PHF20: variants seen among roughly 807,000 people sequenced by gnomAD.
The protein encoded by PHF20 is glioma-expressed antigen 2.
In PHF20, 23 loss-of-function variants were observed where a neutral mutation model predicts 113.5. That is an observed-to-expected ratio of 0.20 (90% CI 0.15 to 0.29). The LOEUF (loss-of-function observed/expected upper bound fraction) is 0.29, where lower values mean the gene tolerates loss of function less well. Ranked by LOEUF, PHF20 falls within the 10% of genes least tolerant of loss-of-function variation. The probability of loss-of-function intolerance (pLI) is 1.00; values close to 1 mark genes in which losing one functional copy is unlikely to be tolerated. For missense variants in PHF20, 943 were observed against 1,219.6 expected (o/e 0.77, Z 3.38); for synonymous variants, 434 against 457.3 (o/e 0.95, Z 0.65).
At chr20:35,878,407 G>T in intron 9 of PHF20, 1 of 446,196 alleles carries the variant, frequency 2.2e-6, no homozygotes, top group Non-Finnish European at 3.9e-6. Context: ...CTTCAGGTTG[G>T]CGTGTGCGAG....
intron 15 of PHF20, among the ~76,000 whole-genome samples, chr20:35,931,951 CA>C (rs1046023916): frequency 2.1e-4 from 29 of 137,440 alleles, no homozygotes; most frequent in East Asian, 2.1e-4. Context: ...AACTCCGTCT[CA>C]AAAAAAAAAA....
At chr20:35,870,924 C>G in intron 7 of PHF20, 31 bp from the exon 8 acceptor site, 1 of 1,531,118 alleles carries the variant, frequency 6.5e-7, no homozygotes, top group Non-Finnish European at 8.8e-7. Flanking sequence ...TTGTTGGTCT[C>G]TTGACTACAA....
chr20:35,775,754 CA>C (rs11167276), intron 1 of PHF20, among the ~76,000 whole-genome samples: 74 of 85,486 alleles, frequency 8.7e-4, no homozygotes, highest in African/African-American at 1.6e-3. Flanking sequence ...ACTCTGTCTC[CA>C]AAAAAAAAAA....
intron 5 of PHF20, 82 bp downstream of exon 5, chr20:35,858,463 T>C (rs1170033818): frequency 2.7e-6 from 2 of 727,982 alleles, no homozygotes; most frequent in East Asian, 5.3e-5. Context: ...ACATTACATT[T>C]GTTTATGATA....
intron 2 of PHF20, among the ~76,000 whole-genome samples, chr20:35,818,053 G>A (rs2042107534): frequency 6.6e-6 from 1 of 152,004 alleles, no homozygotes; most frequent in Admixed American, 6.6e-5. Flanking sequence ...GGAGGCCTAG[G>A]TGGGCAGATT....
At chr20:35,773,554 C>A (rs1312188243) in intron 1 of PHF20, among the ~76,000 whole-genome samples, 2 of 152,176 alleles carry the variant, frequency 1.3e-5, no homozygotes, top group African/African-American at 4.8e-5. Flanking sequence ...TAAAGGGCTA[C>A]CAGCACATTG....
intron 10 of PHF20, among the ~76,000 whole-genome samples, chr20:35,901,413 TAA>T (rs34044539): frequency 0.042 from 4,275 of 102,928 alleles, 184 homozygotes; most frequent in African/African-American, 0.13. Flanking sequence ...AAACTCTGTC[TAA>T]AAAAAAAAAA....
At chr20:35,822,423 T>C (rs2042185298) in intron 2 of PHF20, among the ~76,000 whole-genome samples, 1 of 147,020 alleles carries the variant, frequency 6.8e-6, no homozygotes, top group Non-Finnish European at 1.5e-5. Flanking sequence ...AGACCCTGTT[T>C]CAAAAAAAAA....
At chr20:35,933,221 A>G (rs2055796259) in intron 15 of PHF20, among the ~76,000 whole-genome samples, 1 of 150,286 alleles carries the variant, frequency 6.7e-6, no homozygotes, top group Non-Finnish European at 1.5e-5. Flanking sequence ...GGGCTCAAGC[A>G]ACTCAGCTCA....
intron 2 of PHF20, among the ~76,000 whole-genome samples, chr20:35,804,568 C>T (rs999196530): frequency 2.0e-5 from 3 of 151,898 alleles, no homozygotes; most frequent in East Asian, 1.9e-4. Context: ...GATGGGGTTT[C>T]GCCATTTTGG....
Position 35,931,425 on chromosome 20 carries a change from C to T in PHF20, c.2281C>T (p.Leu761Phe). 2 of 1,612,194 alleles carry T rather than the reference C, an allele frequency of 1.2e-6. No individual in the cohort carries two copies. Among genetic ancestry groups the T allele is most frequent in the Non-Finnish European group, 8.5e-7 (1 of 1,178,786 alleles). The stretch of plus-strand genomic sequence containing the variant: ...GATTGAGGTTCTGCATGGCCTGCAG[C>T]TCAAGATGAGCATCTTGCAGTAAGT... ...RVIEVLHGLQLKMSILQSREH... is the reference protein window; with the variant it reads ...RVIEVLHGLQFKMSILQSREH... The change falls in exon 15 of 18, where the codon CTC (leucine) becomes TTC (phenylalanine). Residue 761 changes from leucine to phenylalanine, a missense_variant. Coordinates refer to ENST00000374012, the MANE Select transcript of PHF20 (RefSeq NM_016436.5).
Position 35,947,543 on chromosome 20 carries a change from G to GCTT in PHF20, c.2957_2959dup (p.Leu986dup). 1 of 1,614,146 alleles carries GCTT rather than the reference G, an allele frequency of 6.2e-7. No homozygotes were observed. The highest frequency in any genetic ancestry group is 8.5e-7 in the Non-Finnish European group (1 of 1,180,006). On this transcript the variant is annotated inframe_insertion, in exon 18 of 18. Transcript: ENST00000374012. The stretch of plus-strand genomic sequence containing the variant: ...TGGAGCCCCCTGAGCCGCTGGCCAG[G>GCTT]CTTCCGCAGCTCAAGCATTGTATCA...
intron 12 of PHF20, among the ~76,000 whole-genome samples, chr20:35,915,789 T>G (rs774472807): frequency 3.3e-5 from 5 of 152,204 alleles, no homozygotes; most frequent in Non-Finnish European, 5.9e-5. Context: ...TGTTTTGATG[T>G]AATGTTCAAA....
chr20:35,862,796 G>A (rs149459361), intron 5 of PHF20, among the ~76,000 whole-genome samples: 245 of 152,304 alleles, frequency 1.6e-3, no homozygotes, highest in Non-Finnish European at 1.5e-3. Flanking sequence ...CATAATAAGG[G>A]AGATTGCACT....
At chr20:35,872,258 C>T (rs2054435812) in intron 9 of PHF20, among the ~76,000 whole-genome samples, 1 of 151,920 alleles carries the variant, frequency 6.6e-6, no homozygotes, top group Admixed American at 6.6e-5. Flanking sequence ...CGCGATGGCT[C>T]ATGCCTGTAA....
chr20:35,860,701 G>A (rs543593820), intron 5 of PHF20, among the ~76,000 whole-genome samples: 1 of 152,258 alleles, frequency 6.6e-6, no homozygotes, highest in South Asian at 2.1e-4. Flanking sequence ...TGGCATGTAA[G>A]GAGCCATACA....
At chr20:35,874,207 G>A (rs1600857982) in intron 9 of PHF20, among the ~76,000 whole-genome samples, 1 of 152,190 alleles carries the variant, frequency 6.6e-6, no homozygotes, top group South Asian at 2.1e-4. Context: ...AACTCCTGAC[G>A]TCAAGTGATC....
chr20:35,818,579 A>T (rs1452622011), intron 2 of PHF20, among the ~76,000 whole-genome samples: 1 of 151,924 alleles, frequency 6.6e-6, no homozygotes, highest in African/African-American at 2.4e-5. Context: ...TTGCTCTGTC[A>T]CCAAGGCTGG....
At chr20:35,918,170 C>G (rs982704414) in intron 13 of PHF20, among the ~76,000 whole-genome samples, 1 of 152,000 alleles carries the variant, frequency 6.6e-6, no homozygotes, top group Non-Finnish European at 1.5e-5. Context: ...TCCTTACCTG[C>G]TTGGGGAAAC....
Sources: gnomAD v4.1 joint callset for allele counts (sites outside exome capture counted in the v4.1 genomes callset) on GRCh38, gnomAD v4.1.1 for gene constraint, MANE v1.5 for transcripts, NCBI Gene and HGNC (gene_info 2026-07-23, HGNC 2026-07-21) for gene names.